Variants in GRIK3 observed in about 807,000 individuals in gnomAD.
GRIK3 encodes glutamate ionotropic receptor kainate type subunit 3.
In GRIK3, 29 loss-of-function variants were observed where a neutral mutation model predicts 102.5. The observed-to-expected ratio is 0.28, with a 90% CI of 0.21 to 0.39. The LOEUF (loss-of-function observed/expected upper bound fraction) is 0.39, where lower values mean the gene tolerates loss of function less well. Ranked by LOEUF, GRIK3 falls within the 10% of genes least tolerant of loss-of-function variation. The pLI is 1.00. For synonymous variants in GRIK3, 511 were observed against 504.9 expected, an observed-to-expected ratio of 1.01 and a Z score of -0.16; for missense variants, 908 against 1,252.4, an observed-to-expected ratio of 0.73 and a Z score of 4.15.
rs190717735 is a variant in GRIK3 at position 36,908,513 on chromosome 1, G to T, written c.116-17417C>A. ...GGGCTGCTTTGGGTCTCAGCTTCTG[G>T]AGAGAGTTCCCTGCCCCGCTGGAGG... On this transcript the variant is annotated intron_variant, in intron 1 of 15. Transcript: ENST00000373091. Among the ~76,000 whole-genome samples the T allele has an allele frequency of 2.2e-3, 331 of 152,290 alleles. 7 individuals carry two copies. The highest frequency in any genetic ancestry group is 2.5e-4 in the Non-Finnish European group (17 of 68,028).
intron 11 of GRIK3, among the ~76,000 whole-genome samples, chr1:36,821,341 C>T (rs1557692513): frequency 1.3e-5 from 2 of 152,170 alleles, no homozygotes; most frequent in African/African-American, 4.8e-5. Flanking sequence ...AGATTAGAGG[C>T]TATTGTGAGA....
intron 2 of GRIK3, among the ~76,000 whole-genome samples, chr1:36,887,133 T>C (rs777976472): frequency 4.6e-5 from 7 of 152,120 alleles, no homozygotes; most frequent in Admixed American, 1.3e-4. Context: ...CCATCAGCAT[T>C]GTATAGAAAA....
At chr1:37,019,191 T>C (rs1027350379) in intron 1 of GRIK3, among the ~76,000 whole-genome samples, 6 of 152,306 alleles carry the variant, frequency 3.9e-5, no homozygotes, top group Admixed American at 3.3e-4. Flanking sequence ...TCCATCCATC[T>C]AGAAAAGTTA....
At chr1:36,890,848 T>A in intron 2 of GRIK3, 72 bp downstream of exon 2, 1 of 1,260,302 alleles carries the variant, frequency 7.9e-7, no homozygotes. Context: ...ATTCCCAGGA[T>A]CTTGGACAGC....
intron 1 of GRIK3, among the ~76,000 whole-genome samples, chr1:36,900,012 G>T (rs936975058): frequency 2.0e-5 from 3 of 152,134 alleles, no homozygotes; most frequent in African/African-American, 7.2e-5. Flanking sequence ...AATCAGTAAG[G>T]TTATAGTTAA....
intron 1 of GRIK3, among the ~76,000 whole-genome samples, chr1:36,934,426 T>C (rs1213158219): frequency 2.0e-5 from 3 of 152,196 alleles, no homozygotes; most frequent in African/African-American, 7.2e-5. Flanking sequence ...TGATCTTGTT[T>C]CATTTCCTTA....
At position 36,995,700 on chromosome 1, in the gene GRIK3, T is replaced by A. The variant is rs572084002; in HGVS notation, c.115+38294A>T. ...GCCTGTTGCCTTATCTTCCCCTGGG[T>A]TGGTGTGCAGCCACACTGCCAGAAA... On this transcript the variant is annotated intron_variant, in intron 1 of 15. Coordinates refer to ENST00000373091, the MANE Select transcript of GRIK3 (RefSeq NM_000831.4). Among the ~76,000 whole-genome samples the A allele has an allele frequency of 3.3e-5, 5 of 152,316 alleles. No individual in the cohort carries two copies. In the East Asian group the frequency reaches 7.7e-4, roughly 24 times the overall value.
At chr1:36,966,645 G>A (rs1642081183) in intron 1 of GRIK3, among the ~76,000 whole-genome samples, 1 of 151,658 alleles carries the variant, frequency 6.6e-6, no homozygotes, top group South Asian at 2.1e-4. Context: ...TCTTCCTCAC[G>A]AAGCCGGGTG....
chr1:36,920,839 G>A (rs1641458546), intron 1 of GRIK3, among the ~76,000 whole-genome samples: 1 of 152,242 alleles, frequency 6.6e-6, no homozygotes, highest in Non-Finnish European at 1.5e-5. Context: ...GGCAAAAAGA[G>A]GCTCCATTTC....
intron 1 of GRIK3, among the ~76,000 whole-genome samples, chr1:36,972,715 C>G (rs1334913570): frequency 6.6e-6 from 1 of 152,278 alleles, no homozygotes; most frequent in East Asian, 1.9e-4. Context: ...AACAACCATG[C>G]AAGACAGGCA....
intron 1 of GRIK3, among the ~76,000 whole-genome samples, chr1:37,001,895 A>G (rs368226384): frequency 0.04 from 3,838 of 95,016 alleles, 165 homozygotes; most frequent in African/African-American, 0.13. Context: ...GGGGACCTCT[A>G]GGAGACAATG....
At chr1:36,855,538 A>G (rs1484068720) in intron 7 of GRIK3, among the ~76,000 whole-genome samples, 1 of 152,244 alleles carries the variant, frequency 6.6e-6, no homozygotes, top group African/African-American at 2.4e-5. Flanking sequence ...GGAGGCTATA[A>G]AACCAAAGTG....
chr1:37,034,000 G>C lies in GRIK3; in HGVS notation c.109C>G (p.Arg37Gly). The C allele has an allele frequency of 6.3e-7, 1 of 1,586,098 alleles. No homozygotes were observed. Residue 37 changes from arginine (R) to glycine (G), a missense_variant, in exon 1 of 16, where the codon CGG becomes GGG. By Grantham distance (125) the Arg-to-Gly change is moderately radical. This residue lies in a region of GRIK3 where 585 missense variants were observed against 824.9 expected (regional missense o/e 0.71). Transcript: ENST00000373091. ...PDSRGMPHVI[R>G]IGGIFEYADG... The stretch of plus-strand genomic sequence containing the variant: ...GGCTCCAGGGAGCGCTTACCGATCC[G>C]GATGACGTGGGGCATCCCGCGCGAG...
At chr1:36,802,481 G>A (rs762240393) in intron 15 of GRIK3, among the ~76,000 whole-genome samples, 7 of 152,146 alleles carry the variant, frequency 4.6e-5, no homozygotes, top group Non-Finnish European at 8.8e-5. Context: ...TTTGACGAAT[G>A]TATGGATAAA....
At chr1:36,941,088 G>C (rs1641714221) in intron 1 of GRIK3, among the ~76,000 whole-genome samples, 1 of 152,214 alleles carries the variant, frequency 6.6e-6, no homozygotes. Context: ...TCCTGGGCTA[G>C]AAGCCCTTCT....
intron 1 of GRIK3, among the ~76,000 whole-genome samples, chr1:36,946,952 A>C (rs1641791127): frequency 6.6e-6 from 1 of 152,170 alleles, no homozygotes; most frequent in Non-Finnish European, 1.5e-5. Context: ...AAGGACAGAG[A>C]AGGAGAAAGA....
intron 15 of GRIK3, among the ~76,000 whole-genome samples, chr1:36,804,165 G>A (rs1000138011): frequency 7.2e-5 from 11 of 152,082 alleles, no homozygotes; most frequent in East Asian, 3.8e-4. Flanking sequence ...ATTCCATTTC[G>A]TTTTTTACGG....
intron 13 of GRIK3, among the ~76,000 whole-genome samples, chr1:36,808,786 G>A (rs1166222058): frequency 6.6e-6 from 1 of 152,154 alleles, no homozygotes; most frequent in South Asian, 2.1e-4. Flanking sequence ...GGGTAATTTG[G>A]TATGCAGCAA....
chr1:36,848,094 A>C (rs537634212), intron 9 of GRIK3, among the ~76,000 whole-genome samples: 3 of 152,360 alleles, frequency 2.0e-5, no homozygotes, highest in East Asian at 3.9e-4. Flanking sequence ...GGTCGAGAGC[A>C]TGGGGTGTCT....
Sources: gnomAD v4.1 joint callset for allele counts (sites outside exome capture counted in the v4.1 genomes callset) on GRCh38, gnomAD v4.1.1 for gene constraint, gnomAD v4.1.1 regional missense constraint, MANE v1.5 for transcripts, NCBI Gene and HGNC (gene_info 2026-07-23, HGNC 2026-07-21) for gene names.